CPNE8: variants seen among roughly 807,000 people sequenced by gnomAD.
CPNE8 encodes copine 8.
In CPNE8, 45 loss-of-function variants were observed where a neutral mutation model predicts 81.5. The ratio of observed to expected loss-of-function variants is 0.55; its 90% CI spans 0.44 to 0.71. The LOEUF (loss-of-function observed/expected upper bound fraction) is 0.71. Among genes scored for constraint, CPNE8 ranks in the 30% least tolerant of loss-of-function variants. The probability of loss-of-function intolerance (pLI) is 0.00; values close to 1 mark genes in which losing one functional copy is unlikely to be tolerated. For missense variants in CPNE8, 594 were observed against 672.1 expected (o/e 0.88, Z 1.28); for synonymous variants, 252 against 226.3 (o/e 1.11, Z -1.02).
chr12:38,780,125 C>T (rs1273819485), intron 6 of CPNE8, among the ~76,000 whole-genome samples: 2 of 151,954 alleles, frequency 1.3e-5, no homozygotes, highest in South Asian at 2.1e-4. Flanking sequence ...AATTCTTTTG[C>T]ATGTGGAAGT....
Position 38,742,073 on chromosome 12 carries a change from G to A in CPNE8, c.723-11715C>T, listed in dbSNP as rs1259174167. Among the ~76,000 whole-genome samples, 5 of 152,166 alleles carry A rather than the reference G, an allele frequency of 3.3e-5. No individual in the cohort carries two copies. In the South Asian group the frequency reaches 6.2e-4, roughly 19 times the overall value. On this transcript the variant is annotated intron_variant, in intron 10 of 19. Coordinates refer to ENST00000331366, the MANE Select transcript of CPNE8 (RefSeq NM_153634.3). ...AAATAGGAACACTTTTATACTGTTG[G>A]TGGGACTGTAAACTAGTCCAACCAT... is the stretch of plus-strand genomic sequence containing the variant.
At chr12:38,684,825 T>C (rs77437603) in intron 16 of CPNE8, among the ~76,000 whole-genome samples, 3,211 of 152,290 alleles carry the variant, frequency 0.021, 109 homozygotes, top group African/African-American at 0.072. Context: ...AGGATTTACA[T>C]AGGCCAAACT....
At chr12:38,886,185 C>T (rs1944234705) in intron 1 of CPNE8, among the ~76,000 whole-genome samples, 1 of 152,188 alleles carries the variant, frequency 6.6e-6, no homozygotes, top group Non-Finnish European at 1.5e-5. Context: ...CTTGTCATCA[C>T]CTGGCAGGGT....
chr12:38,824,029 C>T (rs1943150003), intron 6 of CPNE8, among the ~76,000 whole-genome samples: 3 of 152,050 alleles, frequency 2.0e-5, no homozygotes. Flanking sequence ...CAGGAAAAGC[C>T]CAAAAGTGTA....
intron 8 of CPNE8, among the ~76,000 whole-genome samples, chr12:38,762,488 T>C (rs1941592959): frequency 6.6e-6 from 1 of 152,196 alleles, no homozygotes; most frequent in Non-Finnish European, 1.5e-5. Flanking sequence ...TGTGGTGACA[T>C]GCTGATGGAG....
At chr12:38,735,524 A>G (rs143964603) in intron 10 of CPNE8, among the ~76,000 whole-genome samples, 7 of 152,092 alleles carry the variant, frequency 4.6e-5, no homozygotes, top group Admixed American at 2.0e-4. Context: ...TGATTTTGCT[A>G]ACTTTCTTTG....
chr12:38,759,319 T>A lies in CPNE8; in HGVS notation c.722+1528A>T, dbSNP rs568833440. 2.6e-5 allele frequency among the ~76,000 whole-genome samples: 4 copies of A among 152,302 alleles called. No homozygotes were observed. The East Asian group carries it at 7.7e-4, about 29-fold the overall frequency. On this transcript the variant is annotated intron_variant, in intron 10 of 19. Coordinates refer to ENST00000331366, the MANE Select transcript of CPNE8 (RefSeq NM_153634.3). ...CAATTAAAATATAAAATAGGGTATA[T>A]AATACAGGGCATAAAGTCCTTTACT...
At chr12:38,724,337 T>C (rs1197890744) in intron 12 of CPNE8, among the ~76,000 whole-genome samples, 1 of 144,700 alleles carries the variant, frequency 6.9e-6, no homozygotes, top group African/African-American at 2.6e-5. Context: ...AACTCTGCAG[T>C]ATTTTTTCTT....
rs1565557957 is a variant in CPNE8 at position 38,660,838 on chromosome 12, CCAACAGACAT to C, written c.1507-6778_1507-6769del. Among the ~76,000 whole-genome samples the C allele has an allele frequency of 3.9e-5, 6 of 152,254 alleles. No homozygotes were observed. In the East Asian group the frequency reaches 9.6e-4, roughly 24 times the overall value. On this transcript the variant is annotated intron_variant, in intron 19 of 19. Coordinates refer to ENST00000331366, the MANE Select transcript of CPNE8 (RefSeq NM_153634.3). ...TACTTCTCAAAAGACATTTATGCAG[CCAACAGACAT>C]ATGAAAAAATGCTAATCATCACTGG...
chr12:38,662,784 A>T (rs981086285), intron 19 of CPNE8, among the ~76,000 whole-genome samples: 3 of 152,196 alleles, frequency 2.0e-5, no homozygotes, highest in African/African-American at 7.2e-5. Context: ...ACTGGCATAA[A>T]AACAGACACA....
In CPNE8 at chr12:38,807,183, C is replaced by A. The variant is rs1390660357; in HGVS notation, c.407+22196G>T. Among the ~76,000 whole-genome samples the A allele has an allele frequency of 3.1e-3, 468 of 151,334 alleles. 1 individual carries two copies. The highest frequency in any genetic ancestry group is 0.01 in the African/African-American group (423 of 41,376). On this transcript the variant is annotated intron_variant, in intron 6 of 19. Transcript: ENST00000331366. ...TGAAAATGGCCATACTGCCCAAGGTCATTTATAGATTCAATGCCATTCCCA... is the reference window on the plus strand; with the variant it reads ...TGAAAATGGCCATACTGCCCAAGGTAATTTATAGATTCAATGCCATTCCCA...
intron 2 of CPNE8, 71 bp downstream of exon 2, chr12:38,874,400 A>G (rs1944037849): frequency 1.8e-6 from 2 of 1,140,234 alleles, no homozygotes; most frequent in Non-Finnish European, 2.6e-6. Flanking sequence ...ACCTTTAAAC[A>G]AGAACTATGA....
chr12:38,685,369 C>T (rs1193863671), intron 16 of CPNE8, 121 bp downstream of exon 16: 1 of 1,066,440 alleles, frequency 9.4e-7, no homozygotes, highest in Non-Finnish European at 1.3e-6. Flanking sequence ...TTTTTCCCCA[C>T]TTTCTTGGAG....
chr12:38,762,152 T>C lies in CPNE8; in HGVS notation c.640A>G (p.Lys214Glu). The change falls in exon 9 of 20, where the codon AAG becomes GAG. Residue 214 changes from lysine to glutamate, a missense_variant. Lys to Glu is a moderately conservative substitution (Grantham distance 56). Transcript: ENST00000331366. Reference sequence around the variant, plus strand: ...TTACATAATGCTCTGACTGAGATCTTGAATGCTTGCCATACTGGATTTAGA... The same window carrying C: ...TTACATAATGCTCTGACTGAGATCTCGAATGCTTGCCATACTGGATTTAGA... ...NTLNPVWQAF[K>E]ISVRALCNGD... 4.4e-6 allele frequency: 7 copies of C among 1,603,566 alleles called. No individual in the cohort carries two copies. The highest frequency in any genetic ancestry group is 6.0e-6 in the Non-Finnish European group (7 of 1,174,308).
chr12:38,848,411 G>T (rs762828286), intron 4 of CPNE8, 148 bp downstream of exon 4: 3 of 1,284,212 alleles, frequency 2.3e-6, no homozygotes, highest in South Asian at 1.8e-5. Context: ...AAAGCAGGGG[G>T]CTTGCTTGGG....
At chr12:38,689,579 T>C (rs183042365) in intron 15 of CPNE8, among the ~76,000 whole-genome samples, 1 of 152,320 alleles carries the variant, frequency 6.6e-6, no homozygotes, top group East Asian at 1.9e-4. Flanking sequence ...CAGTACAGTG[T>C]TAAAGACTCT....
chr12:38,873,484 C>T (rs1243155411), intron 2 of CPNE8, among the ~76,000 whole-genome samples: 1 of 152,106 alleles, frequency 6.6e-6, no homozygotes, highest in African/African-American at 2.4e-5. Context: ...TAACTTCCAC[C>T]CTTAATATTT....
chr12:38,819,854 C>A (rs1350885628), intron 6 of CPNE8, among the ~76,000 whole-genome samples: 1 of 151,228 alleles, frequency 6.6e-6, no homozygotes, highest in Non-Finnish European at 1.5e-5. Flanking sequence ...ATAACTCAGA[C>A]CAAGATAAGT....
Position 38,891,693 on chromosome 12 carries a change from C to T in CPNE8, c.98+13744G>A, listed in dbSNP as rs946469634. 3.3e-5 allele frequency among the ~76,000 whole-genome samples: 5 copies of T among 152,240 alleles called. No homozygotes were observed. The South Asian group carries it at 6.2e-4, about 19-fold the overall frequency. ...AACCCCCAACCTCATGTGATCCGTC[C>T]GCCTCGGCCTCCCAAAGTGCTGGGA... On this transcript the variant is annotated intron_variant, in intron 1 of 19. Coordinates refer to ENST00000331366, the MANE Select transcript of CPNE8 (RefSeq NM_153634.3).
Sources: allele counts gnomAD v4.1 joint callset (sites outside exome capture counted in the v4.1 genomes callset), GRCh38; gene constraint gnomAD v4.1.1; transcripts MANE v1.5; gene names NCBI Gene and HGNC (gene_info 2026-07-23, HGNC 2026-07-21).